TENM1: variants seen among roughly 807,000 people sequenced by gnomAD.
TENM1 encodes teneurin-1.
A neutral mutation model predicts 174.8 loss-of-function variants in TENM1; 35 were observed. The ratio of observed to expected loss-of-function variants is 0.20; its 90% CI spans 0.15 to 0.27. TENM1 has a LOEUF of 0.27. TENM1 is among the 10% of genes least tolerant of loss of function. TENM1 has a pLI of 1.00. For synonymous variants in TENM1, 781 were observed against 798.7 expected, an observed-to-expected ratio of 0.98 and a Z score of 0.37; for missense variants, 1,633 against 2,130.1, an observed-to-expected ratio of 0.77 and a Z score of 4.59.
chrX:125,016,742 G>T, the TENM1 span, among the ~76,000 whole-genome samples: 1 of 111,447 alleles, frequency 9.0e-6, no homozygotes, highest in East Asian at 2.8e-4. Flanking sequence ...CCAAAAAAGA[G>T]CCTGTATAGC....
chrX:124,479,863 T>C (rs1178917208), intron 22 of TENM1, among the ~76,000 whole-genome samples: 1 of 111,951 alleles, frequency 8.9e-6, no homozygotes, highest in Non-Finnish European at 1.9e-5. Context: ...GCTGATCACA[T>C]GTTGCACCCG....
chrX:125,095,333 G>C, the TENM1 span, among the ~76,000 whole-genome samples: 14 of 111,796 alleles, frequency 1.3e-4, no homozygotes, highest in African/African-American at 4.2e-4. Flanking sequence ...AGTAGTTGGG[G>C]CTAAACCTTT....
At chrX:124,420,896 T>G in intron 24 of TENM1, 75 bp from the exon 28 acceptor site, 41 of 963,649 alleles carry the variant, frequency 4.3e-5, no homozygotes, top group Non-Finnish European at 5.0e-5. Flanking sequence ...CATAAAGCTC[T>G]GTGCATCAAG....
chrX:124,736,841 C>T (rs1457542416), intron 4 of TENM1, 116 bp downstream of exon 7: 11 of 972,340 alleles, frequency 1.1e-5, no homozygotes, highest in Non-Finnish European at 1.5e-5. Context: ...GGGTGTGTAT[C>T]GGTTTGTGCA....
chrX:125,063,514 A>C, the TENM1 span, among the ~76,000 whole-genome samples: 1 of 112,046 alleles, frequency 8.9e-6, no homozygotes, highest in Non-Finnish European at 1.9e-5. Context: ...ATGAACAGAC[A>C]CTTCTCAAAA....
chrX:124,538,219 G>T (rs767533778), intron 15 of TENM1, among the ~76,000 whole-genome samples: 1 of 111,964 alleles, frequency 8.9e-6, no homozygotes, highest in South Asian at 3.8e-4. Flanking sequence ...AAAATCAAGA[G>T]ATCCCATCTT....
At chrX:124,434,107 C>T (rs774151677) in intron 23 of TENM1, among the ~76,000 whole-genome samples, 1 of 111,509 alleles carries the variant, frequency 9.0e-6, no homozygotes, top group Non-Finnish European at 1.9e-5. Context: ...TTTCCAGAGG[C>T]TACCTCAGGC....
chrX:124,708,706 G>C (rs1242018648), intron 4 of TENM1, among the ~76,000 whole-genome samples: 1 of 111,168 alleles, frequency 9.0e-6, no homozygotes, highest in African/African-American at 3.3e-5. Context: ...AAGAGTATGG[G>C]CAACGTTATT....
At chrX:124,741,287 A>C (rs2148559140) in intron 3 of TENM1, among the ~76,000 whole-genome samples, 1 of 111,680 alleles carries the variant, frequency 9.0e-6, no homozygotes, top group Non-Finnish European at 1.9e-5. Context: ...TATTTTGGAT[A>C]ATGTGTTAGA....
rs148671286 is a variant in TENM1 at position 124,892,855 on chromosome X, A to G, written c.535+1441T>C. ...AAAACATATACATAAAAAATATTCT[A>G]AGTAGTTTTACTTTTTCAGATATAA... On this transcript the variant is annotated intron_variant, in intron 3 of 31. Coordinates refer to ENST00000422452, the Ensembl canonical transcript of TENM1. Among the ~76,000 whole-genome samples, 461 of 112,452 alleles carry G rather than the reference A, an allele frequency of 4.1e-3. 4 individuals carry two copies. The highest frequency in any genetic ancestry group is 0.013 in the African/African-American group (390 of 31,018).
chrX:124,577,774 C>T (rs956803983), intron 11 of TENM1, among the ~76,000 whole-genome samples: 16 of 111,916 alleles, frequency 1.4e-4, no homozygotes, highest in Non-Finnish European at 3.0e-4. Context: ...TACATTTACA[C>T]GAAGTTAAAG....
chrX:124,779,229 G>T (rs1335634019), intron 3 of TENM1, among the ~76,000 whole-genome samples: 2 of 111,958 alleles, frequency 1.8e-5, no homozygotes, highest in African/African-American at 6.5e-5. Flanking sequence ...TGACAATACT[G>T]CAGAAAAGTT....
chrX:125,002,974 G>T, the TENM1 span, among the ~76,000 whole-genome samples: 1 of 111,847 alleles, frequency 8.9e-6, no homozygotes, highest in Non-Finnish European at 1.9e-5. Flanking sequence ...CTCTAGAATT[G>T]AACAAATTAG....
At chrX:124,391,599 T>C (rs114868719) in intron 28 of TENM1, among the ~76,000 whole-genome samples, 5,574 of 111,631 alleles carry the variant, frequency 0.05, 287 homozygotes, top group African/African-American at 0.15. Flanking sequence ...CTTTTGGAAA[T>C]TAGTCTTCAA....
In TENM1 at chrX:124,790,533, C is replaced by T. The variant is rs750613394; in HGVS notation, c.536-53336G>A. ...CATAAACTATTTCCAAATACACTCT[C>T]ATTTTCTCCAAGAGCCGTGAGGAGT... On this transcript the variant is annotated intron_variant, in intron 3 of 31. Coordinates refer to ENST00000422452, the Ensembl canonical transcript of TENM1. Among the ~76,000 whole-genome samples, 10 of 111,949 alleles carry T rather than the reference C, an allele frequency of 8.9e-5. No homozygotes were observed. In the East Asian group the frequency reaches 2.8e-3, roughly 32 times the overall value.
At chrX:124,808,642 T>C (rs150126981) in intron 3 of TENM1, among the ~76,000 whole-genome samples, 93 of 112,056 alleles carry the variant, frequency 8.3e-4, no homozygotes, top group African/African-American at 2.8e-3. Flanking sequence ...CTGACCTCAA[T>C]GGTATAAAAC....
intron 22 of TENM1, among the ~76,000 whole-genome samples, chrX:124,480,225 C>T (rs1209916794): frequency 9.0e-6 from 1 of 111,372 alleles, no homozygotes; most frequent in Non-Finnish European, 1.9e-5. Context: ...GCACTGGAAG[C>T]AAAAGAAGGC....
intron 3 of TENM1, among the ~76,000 whole-genome samples, chrX:124,851,185 A>AG (rs2147398316): frequency 9.0e-6 from 1 of 111,303 alleles, no homozygotes; most frequent in East Asian, 2.8e-4. Flanking sequence ...TACAATATCT[A>AG]ATTTGGCCCC....
At chrX:124,977,959 TGTGTGTGTGAGAGAGAGAGA>T in the TENM1 span, among the ~76,000 whole-genome samples, 14 of 55,798 alleles carry the variant, frequency 2.5e-4, no homozygotes, top group African/African-American at 9.2e-4. Context: ...TGTGTGTGTG[TGTGTGTGTGAGAGAGAGAGA>T]GAGAGAGAGA....
Sources: allele counts gnomAD v4.1 joint callset (sites outside exome capture counted in the v4.1 genomes callset), GRCh38; gene constraint gnomAD v4.1.1; transcripts MANE v1.5; gene names NCBI Gene and HGNC (gene_info 2026-07-23, HGNC 2026-07-21).